COL27A1: variants seen among roughly 807,000 people sequenced by gnomAD.
The protein encoded by COL27A1 is collagen alpha-1(XXVII) chain.
A neutral mutation model predicts 251.3 loss-of-function variants in COL27A1; 106 were observed. The ratio of observed to expected loss-of-function variants is 0.42; its 90% confidence interval spans 0.36 to 0.50. The LOEUF is 0.50. COL27A1 is among the 20% of genes least tolerant of loss of function. The pLI, the probability that COL27A1 is intolerant of heterozygous loss-of-function variation, is 0.00. For missense variants in COL27A1, 2,325 were observed against 2,522.8 expected (o/e 0.92, Z 1.68); for synonymous variants, 1,000 against 986.3 (o/e 1.01, Z -0.26).
chr9:114,282,690 G>T (rs1835998993), intron 39 of COL27A1, 126 bp downstream of exon 39: 3 of 623,912 alleles, frequency 4.8e-6, no homozygotes, highest in Non-Finnish European at 8.1e-6. Flanking sequence ...AACACCTGGT[G>T]CTCATTGCCC....
At chr9:114,166,500 A>G (rs1270242349) in intron 2 of COL27A1, among the ~76,000 whole-genome samples, 1 of 142,802 alleles carries the variant, frequency 7.0e-6, no homozygotes, top group Admixed American at 7.1e-5. Context: ...TTGTCAGCTG[A>G]GGGCCAAATG....
At chr9:114,258,068 A>G (rs963762105) in intron 27 of COL27A1, among the ~76,000 whole-genome samples, 2 of 152,156 alleles carry the variant, frequency 1.3e-5, no homozygotes, top group Non-Finnish European at 2.9e-5. Context: ...ATGATGGTGC[A>G]TGCCTGCAAT....
intron 28 of COL27A1, among the ~76,000 whole-genome samples, chr9:114,264,032 G>A (rs781008450): frequency 2.7e-4 from 41 of 152,320 alleles, no homozygotes; most frequent in Non-Finnish European, 4.9e-4. Flanking sequence ...ACTCAATTGC[G>A]GCCCTCAGTC....
At chr9:114,251,283 A>T (rs893873923) in intron 25 of COL27A1, among the ~76,000 whole-genome samples, 1 of 152,112 alleles carries the variant, frequency 6.6e-6, no homozygotes, top group Non-Finnish European at 1.5e-5. Flanking sequence ...CCCATTGAAT[A>T]GATGGAGGAA....
rs774093838 is a variant in COL27A1 at position 114,168,637 on chromosome 9, C to A, written c.1082C>A (p.Ala361Asp). 87 of 1,614,060 alleles carry A rather than the reference C, an allele frequency of 5.4e-5. No individual in the cohort carries two copies. The highest frequency in any genetic ancestry group is 7.1e-5 in the Non-Finnish European group (84 of 1,180,034). Residue 361 changes from alanine (A) to aspartate (D), a missense_variant, in exon 3 of 61, where the codon GCC becomes GAC. Physicochemically the swap from Ala to Asp is moderately radical, Grantham distance 126. This residue lies in a region of COL27A1 where 1,183 missense variants were observed against 1,144.1 expected (regional missense o/e 1.03). Coordinates refer to ENST00000356083, the MANE Select transcript of COL27A1 (RefSeq NM_032888.4). ...GCTCAACCATCACAGAAGATCACAGCCACCAAAATCCCCAAAAGCCTCCCT... is the reference window on the plus strand; with the variant it reads ...GCTCAACCATCACAGAAGATCACAGACACCAAAATCCCCAAAAGCCTCCCT... ...AAAQPSQKIT[A>D]TKIPKSLPTK...
chr9:114,265,825 CT>C (rs1387116773), intron 32 of COL27A1, among the ~76,000 whole-genome samples: 2 of 152,234 alleles, frequency 1.3e-5, no homozygotes, highest in East Asian at 3.8e-4. Flanking sequence ...TGACCGGGAA[CT>C]GCAGAGTCCA....
chr9:114,294,344 G>C (rs1387494338), intron 49 of COL27A1, among the ~76,000 whole-genome samples: 1 of 151,578 alleles, frequency 6.6e-6, no homozygotes, highest in Non-Finnish European at 1.5e-5. Context: ...CTTTCCTTGA[G>C]GCTGATTCTA....
At chr9:114,205,273 C>T (rs185759968) in intron 8 of COL27A1, 127 bp downstream of exon 8, 119 of 803,682 alleles carry the variant, frequency 1.5e-4, no homozygotes, top group Non-Finnish European at 6.7e-5. Flanking sequence ...TGCCTCTCAC[C>T]CTGCTGGAGC....
chr9:114,217,083 A>C (rs1027619272), intron 12 of COL27A1, among the ~76,000 whole-genome samples: 6 of 152,214 alleles, frequency 3.9e-5, no homozygotes, highest in African/African-American at 1.4e-4. Context: ...AGCCAATAAT[A>C]GGACCTGTTG....
intron 10 of COL27A1, among the ~76,000 whole-genome samples, chr9:114,208,472 AT>A (rs1408291539): frequency 6.6e-6 from 1 of 152,122 alleles, no homozygotes; most frequent in African/African-American, 2.4e-5. Context: ...AAATAAAAAA[AT>A]AATAAAATAT....
intron 4 of COL27A1, 91 bp from the exon 5 acceptor site, chr9:114,182,931 G>A (rs1164148065): frequency 9.1e-7 from 1 of 1,097,936 alleles, no homozygotes; most frequent in East Asian, 2.4e-5. Flanking sequence ...AAACCAGTGG[G>A]TGGAGGGAAG....
intron 50 of COL27A1, 62 bp downstream of exon 50, chr9:114,300,185 T>G (rs1257831370): frequency 4.7e-6 from 7 of 1,504,092 alleles, no homozygotes; most frequent in East Asian, 2.3e-5. Flanking sequence ...ATTCATTCAT[T>G]TATTCATTCA....
rs1337809344 is a variant in COL27A1 at position 114,290,609 on chromosome 9, T to C, written c.4369-201T>C. 6.6e-6 allele frequency among the ~76,000 whole-genome samples: 1 copy of C among 151,882 alleles called. No homozygotes were observed. The highest frequency in any genetic ancestry group is 1.9e-4 in the East Asian group (1 of 5,154). On this transcript the variant is annotated intron_variant, in intron 47 of 60. Transcript: ENST00000356083. This position sits in a 1 kb window ranked among gnomAD's most constrained non-coding sequence, Gnocchi z 4.6. ...TCTCCCGCCCCTTCCTCACTCAGAA[T>C]CCCGCCCTTCCCCACTCACAATCCT...
chr9:114,268,398 C>G (rs1834890707), intron 34 of COL27A1, among the ~76,000 whole-genome samples: 1 of 152,204 alleles, frequency 6.6e-6, no homozygotes, highest in Non-Finnish European at 1.5e-5. Context: ...CAGCAGGGAG[C>G]ATAGCTTGAA....
chr9:114,168,552 C>G lies in COL27A1; in HGVS notation c.997C>G (p.Leu333Val). 1 of 1,614,064 alleles carries G rather than the reference C, an allele frequency of 6.2e-7. No homozygotes were observed. The highest frequency in any genetic ancestry group is 8.5e-7 in the Non-Finnish European group (1 of 1,179,938). Residue 333 changes from leucine to valine, a missense_variant, in exon 3 of 61, where the codon CTT becomes GTT. Physicochemically the swap from Leu to Val is conservative, Grantham distance 32 (BLOSUM62 1). Around this residue, in one of 4 missense-constraint regions of COL27A1, gnomAD observed 1,183 missense variants for 1,144.1 expected, o/e 1.03. Transcript: ENST00000356083. ...TGCCAAGCTGTCAGCCAGTAACGCA[C>G]TTGATCCCATGCTCCCAGCCTCTGT... ...LPAKLSASNA[L>V]DPMLPASVGG...
chr9:114,177,346 C>T (rs766957112), intron 3 of COL27A1, among the ~76,000 whole-genome samples: 10 of 152,174 alleles, frequency 6.6e-5, no homozygotes, highest in Non-Finnish European at 1.5e-4. Flanking sequence ...TTAGGTTTTT[C>T]ACTTGTGGGA....
intron 1 of COL27A1, among the ~76,000 whole-genome samples, 185 bp downstream of exon 1, chr9:114,156,197 C>T (rs1251398887): frequency 6.6e-6 from 1 of 150,966 alleles, no homozygotes; most frequent in Non-Finnish European, 1.5e-5. Context: ...CGAGAGTTGG[C>T]GAACGCTGCC....
chr9:114,175,181 T>G (rs1002351585), intron 3 of COL27A1, among the ~76,000 whole-genome samples: 7 of 152,148 alleles, frequency 4.6e-5, no homozygotes, highest in Non-Finnish European at 8.8e-5. Context: ...CATGGCTCTG[T>G]TTGCGTACGC....
intron 37 of COL27A1, among the ~76,000 whole-genome samples, chr9:114,281,314 G>T (rs1367741481): frequency 6.6e-6 from 1 of 152,208 alleles, no homozygotes; most frequent in Non-Finnish European, 1.5e-5. Context: ...CTCTGTGTCT[G>T]TCTCTTACTG....
Sources: allele counts gnomAD v4.1 joint callset (sites outside exome capture counted in the v4.1 genomes callset), GRCh38; gene constraint gnomAD v4.1.1; regional missense constraint gnomAD v4.1.1; non-coding constraint Gnocchi (gnomAD v3.1); transcripts MANE v1.5; gene names NCBI Gene and HGNC (gene_info 2026-07-23, HGNC 2026-07-21).